Variants in PIP5K1B observed in about 807,000 individuals in gnomAD.
The protein encoded by PIP5K1B is phosphatidylinositol-4-phosphate 5-kinase type 1 beta, also known as phosphatidylinositol 4-phosphate 5-kinase type-1 beta.
A neutral mutation model predicts 67.0 loss-of-function variants in PIP5K1B; 42 were observed. The observed-to-expected ratio is 0.63, with a 90% CI of 0.49 to 0.81. The LOEUF (loss-of-function observed/expected upper bound fraction) is 0.81, where lower values mean the gene tolerates loss of function less well. Ranked by LOEUF, PIP5K1B falls within the 30% of genes least tolerant of loss-of-function variation. The pLI is 0.00. For missense variants in PIP5K1B, 459 were observed against 646.3 expected, an observed-to-expected ratio of 0.71 and a Z score of 3.14; for synonymous variants, 214 against 231.4, an observed-to-expected ratio of 0.92 and a Z score of 0.68.
chr9:68,934,226 A>C (rs17059238), intron 12 of PIP5K1B, among the ~76,000 whole-genome samples: 1 of 152,182 alleles, frequency 6.6e-6, no homozygotes, highest in Admixed American at 6.5e-5. Context: ...GGTGAAGTAC[A>C]TTTTCATTAG....
chr9:68,874,926 A>G (rs757314104), intron 5 of PIP5K1B, among the ~76,000 whole-genome samples: 1 of 152,168 alleles, frequency 6.6e-6, no homozygotes, highest in Non-Finnish European at 1.5e-5. Flanking sequence ...CTTTATTTCT[A>G]TATGATCTAC....
intron 4 of PIP5K1B, chr9:68,824,282 C>T (rs1161573641): frequency 3.9e-6 from 2 of 517,882 alleles, no homozygotes; most frequent in African/African-American, 3.9e-5. Context: ...CACAGGAGAT[C>T]CTTTGTCGCT....
chr9:68,914,541 C>T (rs573115609), intron 8 of PIP5K1B, among the ~76,000 whole-genome samples: 1 of 152,154 alleles, frequency 6.6e-6, no homozygotes, highest in East Asian at 1.9e-4. Flanking sequence ...TGGTGAAACC[C>T]CGTCTCTACT....
chr9:68,895,942 C>T (rs538751927), intron 8 of PIP5K1B, among the ~76,000 whole-genome samples: 421 of 152,292 alleles, frequency 2.8e-3, no homozygotes, highest in Non-Finnish European at 4.8e-3. Context: ...GAGCCCACAT[C>T]TGTTTGGGTA....
At chr9:68,960,844 T>C (rs956662135) in intron 14 of PIP5K1B, among the ~76,000 whole-genome samples, 5 of 152,240 alleles carry the variant, frequency 3.3e-5, no homozygotes, top group Non-Finnish European at 5.9e-5. Flanking sequence ...CTTTTTTCGA[T>C]ATTTTCGATC....
rs1826259450 is a variant in PIP5K1B at position 68,919,468 on chromosome 9, T to C, written c.984-11T>C. The C allele has an allele frequency of 1.4e-6, 2 of 1,407,980 alleles. No individual in the cohort carries two copies. The highest frequency in any genetic ancestry group is 2.0e-6 in the Non-Finnish European group (2 of 1,013,510). The allele number at this position is 1,407,980 out of a possible 1,614,324, so 87.2% of individuals were successfully genotyped here. A position where few individuals can be genotyped will look rare whatever the true frequency, so the allele number is the denominator to read the frequency against. On this transcript the variant is annotated splice_polypyrimidine_tract_variant and intron_variant, in intron 9 of 15. Transcript: ENST00000265382. ...TGTAATCAAATATTTTCTCTTTTGC[T>C]CCATCAACAGAATGGGAGGCATTCC...
At chr9:68,852,442 A>C (rs1822540022) in intron 4 of PIP5K1B, among the ~76,000 whole-genome samples, 1 of 152,058 alleles carries the variant, frequency 6.6e-6, no homozygotes, top group African/African-American at 2.4e-5. Flanking sequence ...AGGAGCTGTA[A>C]CCTTTAGAAG....
In PIP5K1B at chr9:68,920,765, G is replaced by GTCTCTC. The variant is rs763092380; in HGVS notation, c.1116+1038_1116+1043dup. Among the ~76,000 whole-genome samples, 415 of 145,328 alleles carry GTCTCTC rather than the reference G, an allele frequency of 2.9e-3. 3 individuals carry two copies. Among genetic ancestry groups the GTCTCTC allele is most frequent in the East Asian group, 5.7e-3 (28 of 4,914 alleles). ...TCCTTCTTTCTCCCATTCCGTCTCT[G>GTCTCTC]TCTCTCTGTCTCTCTCTCTCACACA... On this transcript the variant is annotated intron_variant, in intron 11 of 15. Transcript: ENST00000265382.
chr9:68,752,006 T>A (rs748671911), intron 2 of PIP5K1B, among the ~76,000 whole-genome samples: 3 of 152,222 alleles, frequency 2.0e-5, no homozygotes, highest in Non-Finnish European at 4.4e-5. Flanking sequence ...CCTTAACATT[T>A]TATATATATG....
chr9:68,789,418 C>A, intron 2 of PIP5K1B: 1 of 462,580 alleles, frequency 2.2e-6, no homozygotes. Context: ...GTCCACTACT[C>A]AGTGAAGAAA....
chr9:68,776,261 T>C (rs1227014506), intron 2 of PIP5K1B, among the ~76,000 whole-genome samples: 1 of 152,160 alleles, frequency 6.6e-6, no homozygotes, highest in Non-Finnish European at 1.5e-5. Context: ...AGGTAGAAAT[T>C]TGCCTTGTCA....
At chr9:68,960,982 G>A (rs541170757) in intron 14 of PIP5K1B, among the ~76,000 whole-genome samples, 4 of 151,614 alleles carry the variant, frequency 2.6e-5, no homozygotes, top group African/African-American at 9.7e-5. Context: ...AGGCCGAGGC[G>A]GGTGGATCAT....
At chr9:68,737,294 G>A (rs1358179144) in intron 1 of PIP5K1B, among the ~76,000 whole-genome samples, 6 of 152,050 alleles carry the variant, frequency 3.9e-5, no homozygotes, top group South Asian at 2.1e-4. Flanking sequence ...TGTGCATGGC[G>A]GCATATGTCA....
chr9:68,753,232 T>C (rs1312607148), intron 2 of PIP5K1B, among the ~76,000 whole-genome samples: 1 of 152,024 alleles, frequency 6.6e-6, no homozygotes, highest in Non-Finnish European at 1.5e-5. Flanking sequence ...ACAGAATAGG[T>C]TTAAATTCCT....
At chr9:68,922,064 C>A (rs1826433553) in intron 11 of PIP5K1B, among the ~76,000 whole-genome samples, 1 of 152,108 alleles carries the variant, frequency 6.6e-6, no homozygotes, top group African/African-American at 2.4e-5. Context: ...CTATGGATAC[C>A]CCTCAGGCTC....
At chr9:68,842,876 A>G (rs571000556) in intron 4 of PIP5K1B, among the ~76,000 whole-genome samples, 54 of 152,346 alleles carry the variant, frequency 3.5e-4, no homozygotes, top group African/African-American at 1.2e-3. Flanking sequence ...CTATATAGAC[A>G]GTTGATTAAT....
At chr9:68,967,966 T>C (rs1829126259) in intron 14 of PIP5K1B, among the ~76,000 whole-genome samples, 1 of 152,054 alleles carries the variant, frequency 6.6e-6, no homozygotes, top group South Asian at 2.1e-4. Flanking sequence ...CCCAGTGAGC[T>C]GCTCTTACCA....
chr9:68,748,613 C>CTTTTTTTTTTTTTTTTTTTTTT (rs58954806), intron 2 of PIP5K1B, among the ~76,000 whole-genome samples: 2 of 98,298 alleles, frequency 2.0e-5, no homozygotes, highest in Non-Finnish European at 2.0e-5. Context: ...GATTTCTTTT[C>CTTTTTTTTTTTTTTTTTTTTTT]TTTTTTTTTT....
intron 1 of PIP5K1B, among the ~76,000 whole-genome samples, chr9:68,728,497 G>A (rs191822667): frequency 3.3e-4 from 50 of 152,158 alleles, no homozygotes; most frequent in African/African-American, 1.1e-3. Flanking sequence ...ATGAATTTAT[G>A]TGGGGGAGGG....
Sources: gnomAD v4.1 joint callset for allele counts (sites outside exome capture counted in the v4.1 genomes callset) on GRCh38, gnomAD v4.1.1 for gene constraint, MANE v1.5 for transcripts, NCBI Gene and HGNC (gene_info 2026-07-23, HGNC 2026-07-21) for gene names.